The following DPP10 variants were observed in gnomAD, a reference collection of about 807,000 sequenced individuals.
The protein encoded by DPP10 is dipeptidyl peptidase like 10, also known as inactive dipeptidyl peptidase 10.
In DPP10, 33 loss-of-function variants were observed where a neutral mutation model predicts 120.9. The observed-to-expected ratio is 0.27, with a 90% CI of 0.21 to 0.37. The LOEUF is 0.37. Ranked by LOEUF, DPP10 falls within the 10% of genes least tolerant of loss-of-function variation. The pLI is 1.00. For missense variants in DPP10, 816 were observed against 942.8 expected (o/e 0.87, Z 1.76); for synonymous variants, 337 against 326.1 (o/e 1.03, Z -0.36).
intron 1 of DPP10, among the ~76,000 whole-genome samples, chr2:114,933,329 G>A (rs891743464): frequency 2.6e-5 from 4 of 152,158 alleles, no homozygotes; most frequent in African/African-American, 7.2e-5. Context: ...CATCAGCCAA[G>A]ATATGCATGA....
intron 1 of DPP10, among the ~76,000 whole-genome samples, chr2:114,460,864 A>G (rs1378845907): frequency 6.6e-6 from 1 of 152,182 alleles, no homozygotes; most frequent in African/African-American, 2.4e-5. Context: ...TTTTTGATGA[A>G]ATGTTTCCTA....
intron 8 of DPP10, among the ~76,000 whole-genome samples, chr2:115,733,201 C>A (rs1055285926): frequency 2.6e-5 from 4 of 152,076 alleles, no homozygotes; most frequent in Non-Finnish European, 4.4e-5. Context: ...TAAAACAGGG[C>A]AAAATGCCTA....
At chr2:114,717,105 T>C (rs546379755) in intron 1 of DPP10, among the ~76,000 whole-genome samples, 3 of 152,358 alleles carry the variant, frequency 2.0e-5, no homozygotes, top group Non-Finnish European at 4.4e-5. Flanking sequence ...ACCACAGTTA[T>C]ATCTTAACTT....
chr2:115,042,464 C>T (rs1172122513), intron 1 of DPP10, among the ~76,000 whole-genome samples: 3 of 151,936 alleles, frequency 2.0e-5, no homozygotes, highest in Non-Finnish European at 4.4e-5. Context: ...ACAGGTTTTG[C>T]CATGTTGGCG....
chr2:114,632,283 G>A (rs1321466847), intron 1 of DPP10, among the ~76,000 whole-genome samples: 1 of 152,010 alleles, frequency 6.6e-6, no homozygotes, highest in Non-Finnish European at 1.5e-5. Flanking sequence ...TTGGGGAATT[G>A]TGAGTACTCT....
intron 1 of DPP10, among the ~76,000 whole-genome samples, chr2:114,815,017 G>C (rs1558768926): frequency 1.3e-5 from 2 of 152,126 alleles, no homozygotes; most frequent in African/African-American, 4.8e-5. Context: ...GCAAGAGAAG[G>C]GGGCAAACCT....
At chr2:115,621,123 A>G (rs2084914545) in intron 5 of DPP10, among the ~76,000 whole-genome samples, 2 of 152,194 alleles carry the variant, frequency 1.3e-5, no homozygotes, top group Admixed American at 1.3e-4. Context: ...CCAAACTCCA[A>G]ATGCAGAAAA....
intron 1 of DPP10, among the ~76,000 whole-genome samples, chr2:114,478,090 A>G (rs868109369): frequency 6.6e-6 from 1 of 152,028 alleles, no homozygotes; most frequent in African/African-American, 2.4e-5. Context: ...CATTTCATAC[A>G]GCTAATATTA....
At chr2:114,844,842 TA>T (rs1197614008) in intron 1 of DPP10, among the ~76,000 whole-genome samples, 4 of 152,074 alleles carry the variant, frequency 2.6e-5, no homozygotes, top group Non-Finnish European at 5.9e-5. Context: ...TACATAGAGT[TA>T]GGGGTGGGAG....
chr2:115,104,252 C>G (rs913705887), intron 1 of DPP10, among the ~76,000 whole-genome samples: 12 of 138,590 alleles, frequency 8.7e-5, no homozygotes, highest in Non-Finnish European at 1.5e-4. Flanking sequence ...ATGACCATAG[C>G]TCACTGCAGC....
At chr2:115,227,072 T>TA (rs556520788) in intron 1 of DPP10, among the ~76,000 whole-genome samples, 128 of 152,288 alleles carry the variant, frequency 8.4e-4, no homozygotes, top group African/African-American at 3.1e-3. Context: ...TCTCTTAGGC[T>TA]AAAAATAAAG....
intron 1 of DPP10, among the ~76,000 whole-genome samples, chr2:114,875,866 G>C (rs1305377878): frequency 6.6e-6 from 1 of 151,986 alleles, no homozygotes; most frequent in Non-Finnish European, 1.5e-5. Flanking sequence ...ATAACAAATA[G>C]ACAAGGGCAT....
chr2:114,986,034 A>G (rs541408594), intron 1 of DPP10, among the ~76,000 whole-genome samples: 1 of 152,330 alleles, frequency 6.6e-6, no homozygotes, highest in Admixed American at 6.5e-5. Flanking sequence ...GTCAATTTAT[A>G]TGGTTAAATA....
intron 5 of DPP10, among the ~76,000 whole-genome samples, chr2:115,589,278 TAG>T (rs1320973056): frequency 6.6e-6 from 1 of 152,182 alleles, no homozygotes; most frequent in Non-Finnish European, 1.5e-5. Context: ...CAAATATTAA[TAG>T]AGAATGCATT....
At chr2:115,671,753 A>G (rs925214364) in intron 5 of DPP10, among the ~76,000 whole-genome samples, 1 of 152,000 alleles carries the variant, frequency 6.6e-6, no homozygotes, top group African/African-American at 2.4e-5. Context: ...CAAAACACCA[A>G]TATTTAAAAT....
intron 19 of DPP10, among the ~76,000 whole-genome samples, chr2:115,804,261 T>A (rs966498812): frequency 3.9e-5 from 6 of 152,222 alleles, no homozygotes; most frequent in Admixed American, 6.5e-5. Flanking sequence ...GTAGTTCTCG[T>A]GCCTTGGTTT....
intron 1 of DPP10, among the ~76,000 whole-genome samples, chr2:115,107,674 T>C (rs957184735): frequency 2.0e-5 from 3 of 152,078 alleles, no homozygotes; most frequent in African/African-American, 7.2e-5. Flanking sequence ...TACCATCTTA[T>C]TATAAATGCA....
rs573405232 is a variant in DPP10 at position 115,056,247 on chromosome 2, A to G, written c.61-252992A>G. 4.6e-5 allele frequency among the ~76,000 whole-genome samples: 7 copies of G among 152,298 alleles called. No individual in the cohort carries two copies. The South Asian group carries it at 1.5e-3, about 32-fold the overall frequency. ...CAGAAAATATATATGAGTCAAGGATACTATTGTGTGGAGACCAGCATGAGC... is the reference window on the plus strand; with the variant it reads ...CAGAAAATATATATGAGTCAAGGATGCTATTGTGTGGAGACCAGCATGAGC... On this transcript the variant is annotated intron_variant, in intron 1 of 25. Transcript: ENST00000410059.
At chr2:115,836,349 A>G (rs1689526019) in intron 22 of DPP10, 93 bp downstream of exon 22, 8 of 1,380,554 alleles carry the variant, frequency 5.8e-6, no homozygotes, top group Non-Finnish European at 8.0e-6. Context: ...CTCATTTATC[A>G]TATGTTATTA....
Sources: allele counts gnomAD v4.1 joint callset (sites outside exome capture counted in the v4.1 genomes callset), GRCh38; gene constraint gnomAD v4.1.1; transcripts MANE v1.5; gene names NCBI Gene and HGNC (gene_info 2026-07-23, HGNC 2026-07-21).